The following PAXIP1 variants were observed in gnomAD, a reference collection of about 807,000 sequenced individuals.
The protein encoded by PAXIP1 is PAX-interacting protein 1.
A neutral mutation model predicts 140.6 loss-of-function variants in PAXIP1; 19 were observed. That is an observed-to-expected ratio of 0.14 (90% CI 0.09 to 0.20). The LOEUF is 0.20. Ranked by LOEUF, PAXIP1 falls within the 10% of genes least tolerant of loss-of-function variation. The probability of loss-of-function intolerance (pLI) is 1.00; values close to 1 mark genes in which losing one functional copy is unlikely to be tolerated. For synonymous variants in PAXIP1, 442 were observed against 444.6 expected (o/e 0.99, Z 0.07); for missense variants, 920 against 1,208.6 (o/e 0.76, Z 3.54).
In PAXIP1 at chr7:154,986,031, C is replaced by G; in HGVS notation, c.325-2699G>C. The G allele has an allele frequency of 7.3e-7, 1 of 1,365,718 alleles. No homozygotes were observed. Among genetic ancestry groups the G allele is most frequent in the Non-Finnish European group, 9.8e-7 (1 of 1,021,560 alleles). The allele number at this position is 1,365,718 out of a possible 1,614,324, so 84.6% of individuals were successfully genotyped here. A position where few individuals can be genotyped will look rare whatever the true frequency, so the allele number is the denominator to read the frequency against. ...CCAAAACCTACCCAGCACATTACAA[C>G]AGAGGCCTCAGCCTGCATCAATACC... On this transcript the variant is annotated intron_variant, in intron 4 of 20. Transcript: ENST00000404141. The surrounding 1 kb of genome is among the most constrained non-coding windows in gnomAD (Gnocchi z 4.8).
In PAXIP1 at chr7:154,954,242, C is replaced by T. The variant is rs765387298; in HGVS notation, c.2821+13G>A. On this transcript the variant is annotated intron_variant, in intron 16 of 20. Coordinates refer to ENST00000404141, the MANE Select transcript of PAXIP1 (RefSeq NM_007349.4). This position sits in a 1 kb window ranked among gnomAD's most constrained non-coding sequence, Gnocchi z 5.1. ...TTGGCATTAAAAGCAAAGTTACTGG[C>T]GCTGCTCCTTACCAATGAACTTCTG... 1.7e-4 allele frequency: 255 copies of T among 1,488,308 alleles called. No homozygotes were observed. Among genetic ancestry groups the T allele is most frequent in the Non-Finnish European group, 2.1e-4 (233 of 1,102,360 alleles). The allele number at this position is 1,488,308 out of a possible 1,614,324, so 92.2% of individuals were successfully genotyped here.
intron 8 of PAXIP1, chr7:154,967,286 G>C (rs763316529): frequency 6.5e-6 from 1 of 152,790 alleles, no homozygotes; most frequent in South Asian, 2.0e-4. Flanking sequence ...ATTTAAACTC[G>C]GTTTTTATAA....
intron 5 of PAXIP1, among the ~76,000 whole-genome samples, chr7:154,978,422 A>T (rs958777392): frequency 2.0e-5 from 3 of 152,204 alleles, no homozygotes; most frequent in Admixed American, 2.0e-4. Context: ...TACACTTCCA[A>T]CAGCTATGTA....
intron 20 of PAXIP1, chr7:154,944,427 C>A: frequency 3.0e-6 from 1 of 332,120 alleles, no homozygotes; most frequent in Non-Finnish European, 5.6e-6. Context: ...GAACTGAGGC[C>A]CAGCAATAGC....
chr7:154,973,931 C>T lies in PAXIP1; in HGVS notation c.1074+1765G>A, dbSNP rs900429097. Among the ~76,000 whole-genome samples, 23 of 152,160 alleles carry T rather than the reference C, an allele frequency of 1.5e-4. No homozygotes were observed. The highest frequency in any genetic ancestry group is 5.6e-4 in the African/African-American group (23 of 41,424). On this transcript the variant is annotated intron_variant, in intron 6 of 20. Transcript: ENST00000404141. The surrounding 1 kb of genome is among the most constrained non-coding windows in gnomAD (Gnocchi z 4.0). ...AGGTGAAGCGGCAGACGGGGTGTCACCATCAGATGGAACAGCCCAGCTGGC... is the reference window on the plus strand; with the variant it reads ...AGGTGAAGCGGCAGACGGGGTGTCATCATCAGATGGAACAGCCCAGCTGGC...
intron 16 of PAXIP1, chr7:154,949,079 C>T (rs1181570649): frequency 2.6e-5 from 4 of 152,044 alleles, no homozygotes; most frequent in Non-Finnish European, 4.4e-5. Flanking sequence ...ATTTCTCCTC[C>T]GCCGCCATTT....
intron 20 of PAXIP1, chr7:154,945,985 G>C: frequency 1.0e-6 from 1 of 984,904 alleles, no homozygotes; most frequent in Non-Finnish European, 1.2e-6. Flanking sequence ...TGAGTACAAA[G>C]ACTATATACG....
chr7:154,973,775 T>C lies in PAXIP1; in HGVS notation c.1074+1921A>G, dbSNP rs557952010. Among the ~76,000 whole-genome samples the C allele has an allele frequency of 9.9e-5, 15 of 152,218 alleles. No homozygotes were observed. The highest frequency in any genetic ancestry group is 3.3e-4 in the Admixed American group (5 of 15,284). Reference sequence around the variant, plus strand: ...CGCCATACTGAATTTCCCCACTTCATCAACATCAAGCCTTTCCACTGAAAG... The same window carrying C: ...CGCCATACTGAATTTCCCCACTTCACCAACATCAAGCCTTTCCACTGAAAG... On this transcript the variant is annotated intron_variant, in intron 6 of 20. Coordinates refer to ENST00000404141, the MANE Select transcript of PAXIP1 (RefSeq NM_007349.4). The surrounding 1 kb of genome is among the most constrained non-coding windows in gnomAD (Gnocchi z 4.0).
In PAXIP1 at chr7:154,972,978, G is replaced by C. The variant is rs557962870; in HGVS notation, c.1074+2718C>G. ...CGTCACTTTGCTGCTCTGTGGCTGA[G>C]GCTGTGCCCTGTGGCTTTATCCCGC... On this transcript the variant is annotated intron_variant, in intron 6 of 20. Coordinates refer to ENST00000404141, the MANE Select transcript of PAXIP1 (RefSeq NM_007349.4). 2.4e-4 allele frequency among the ~76,000 whole-genome samples: 36 copies of C among 152,366 alleles called. 1 individual carries two copies. The highest frequency in any genetic ancestry group is 7.5e-4 in the African/African-American group (31 of 41,594).
intron 2 of PAXIP1, among the ~76,000 whole-genome samples, chr7:154,997,570 C>A (rs571638922): frequency 6.6e-6 from 1 of 152,180 alleles, no homozygotes; most frequent in Non-Finnish European, 1.5e-5. Flanking sequence ...TAGGGAAGAT[C>A]TGAAATAAAA....
chr7:154,951,227 G>C (rs1402216966), intron 16 of PAXIP1: 1 of 152,164 alleles, frequency 6.6e-6, no homozygotes, highest in Non-Finnish European at 1.5e-5. Flanking sequence ...CTGGCCAACA[G>C]GGAGCCCTAA....
chr7:154,967,628 C>A, intron 8 of PAXIP1, 188 bp downstream of exon 8: 1 of 552,084 alleles, frequency 1.8e-6, no homozygotes, highest in South Asian at 2.5e-5. Flanking sequence ...CATCTAACAG[C>A]TGAGAAAACT....
chr7:154,948,386 A>AAACT (rs1563359171), intron 16 of PAXIP1: 1 of 190,874 alleles, frequency 5.2e-6, no homozygotes, highest in East Asian at 1.4e-4. Flanking sequence ...TCTCTACAGA[A>AAACT]AAATTTTAAA....
At position 154,962,914 on chromosome 7, in the gene PAXIP1, G is replaced by T. The variant is rs548218774; in HGVS notation, c.1990-456C>A. Among the ~76,000 whole-genome samples, 3 of 152,314 alleles carry T rather than the reference G, an allele frequency of 2.0e-5. No homozygotes were observed. In the South Asian group the frequency reaches 6.2e-4, roughly 32 times the overall value. ...TGAATGGCTATCCTCTTTAAGAGGG[G>T]TGTCTTGGAAGTCATTTGTCACATA... is the stretch of plus-strand genomic sequence containing the variant. On this transcript the variant is annotated intron_variant, in intron 9 of 20. Coordinates refer to ENST00000404141, the MANE Select transcript of PAXIP1 (RefSeq NM_007349.4).
At chr7:154,974,518 C>G (rs1386913055) in intron 6 of PAXIP1, 5 of 152,326 alleles carry the variant, frequency 3.3e-5, no homozygotes, top group Middle Eastern at 6.8e-3. Context: ...CTTCCTTTTG[C>G]CTGGGAACTC....
intron 6 of PAXIP1, among the ~76,000 whole-genome samples, chr7:154,975,156 C>CAAAAAAAAAAAAAAAAAA (rs61595965): frequency 9.4e-6 from 1 of 106,900 alleles, no homozygotes; most frequent in Non-Finnish European, 1.9e-5. Context: ...GACTCCATCT[C>CAAAAAAAAAAAAAAAAAA]AAAAAAAAAA....
chr7:154,952,287 C>T (rs1224739903), intron 16 of PAXIP1: 2 of 152,146 alleles, frequency 1.3e-5, no homozygotes, highest in Non-Finnish European at 2.9e-5. Flanking sequence ...TGTGGCACTT[C>T]GGTGGCCATT....
chr7:154,961,834 C>T (rs1269173741), intron 10 of PAXIP1, among the ~76,000 whole-genome samples, 186 bp from the exon 11 acceptor site: 2 of 152,210 alleles, frequency 1.3e-5, no homozygotes, highest in Non-Finnish European at 2.9e-5. Flanking sequence ...AAAGGTTACA[C>T]ACATAGCCCT....
At chr7:154,948,212 C>A in intron 16 of PAXIP1, 1 of 542,270 alleles carries the variant, frequency 1.8e-6, no homozygotes. Context: ...TATTTTTTCT[C>A]CTAGATCAGT....
Sources: allele counts gnomAD v4.1 joint callset (sites outside exome capture counted in the v4.1 genomes callset), GRCh38; gene constraint gnomAD v4.1.1; non-coding constraint Gnocchi (gnomAD v3.1); transcripts MANE v1.5; gene names NCBI Gene and HGNC (gene_info 2026-07-23, HGNC 2026-07-21).